Variants in TMEM123 observed in about 807,000 individuals in gnomAD.
The protein encoded by TMEM123 is transmembrane protein 123.
In TMEM123, 16 loss-of-function variants were observed where a neutral mutation model predicts 19.7. The ratio of observed to expected loss-of-function variants is 0.81; its 90% CI spans 0.55 to 1.23. The LOEUF is 1.23. Ranked by LOEUF, TMEM123 falls within the 50% of genes most tolerant of loss-of-function variation. The probability of loss-of-function intolerance (pLI) is 0.00; values close to 1 mark genes in which losing one functional copy is unlikely to be tolerated. For missense variants in TMEM123, 313 were observed against 257.8 expected (o/e 1.21, Z -1.47); for synonymous variants, 118 against 99.4 (o/e 1.19, Z -1.12).
chr11:102,404,281 T>C (rs1192897072), intron 2 of TMEM123, among the ~76,000 whole-genome samples: 1 of 152,110 alleles, frequency 6.6e-6, no homozygotes, highest in African/African-American at 2.4e-5. Context: ...CAGATTGATA[T>C]TTATTTATTT....
intron 2 of TMEM123, among the ~76,000 whole-genome samples, chr11:102,442,488 A>G (rs1591567252): frequency 6.6e-6 from 1 of 152,212 alleles, no homozygotes; most frequent in South Asian, 2.1e-4. Flanking sequence ...CTTCAACAAA[A>G]TTCAACAACC....
At position 102,396,843 on chromosome 11, in the gene TMEM123, A is replaced by C. The variant is rs1477358325; in HGVS notation, c.*2024T>G. On this transcript the variant is annotated 3_prime_UTR_variant, in exon 5 of 5. Transcript: ENST00000398136. Reference sequence around the variant, plus strand: ...CAAGGCAAATGATGACTTAGTACTTAAAAAGTGGTTTTTCTATCTTCAAAG... The same window carrying C: ...CAAGGCAAATGATGACTTAGTACTTCAAAAGTGGTTTTTCTATCTTCAAAG... 6.6e-6 allele frequency: 1 copy of C among 152,226 alleles called. No individual in the cohort carries two copies. The highest frequency in any genetic ancestry group is 1.5e-5 in the Non-Finnish European group (1 of 68,020). 9.4% of individuals were successfully genotyped at this position (152,226 alleles called of 1,614,324 possible). A position where few individuals can be genotyped will look rare whatever the true frequency, so the allele number is the denominator to read the frequency against.
Position 102,401,584 on chromosome 11 carries a change from C to G in TMEM123, c.557G>C (p.Gly186Ala). 1 of 1,599,074 alleles carries G rather than the reference C, an allele frequency of 6.3e-7. No individual in the cohort carries two copies. The highest frequency in any genetic ancestry group is 8.5e-7 in the Non-Finnish European group (1 of 1,176,208). The change falls in exon 4 of 5, where the codon GGA becomes GCA. Residue 186 changes from glycine to alanine, a missense_variant. Physicochemically the swap from Gly to Ala is moderately conservative, Grantham distance 60. Coordinates refer to ENST00000398136, the MANE Select transcript of TMEM123 (RefSeq NM_052932.3). ...TCTTCTTGAGTAATACATTTTGCAT[C>G]CAATGTAAAGAATAGATAAAACTCC... ...TLGVLSILYI[G>A]CKMYYSRRGI...
At chr11:102,406,107 A>G (rs1259702947) in intron 2 of TMEM123, among the ~76,000 whole-genome samples, 1 of 152,164 alleles carries the variant, frequency 6.6e-6, no homozygotes, top group Non-Finnish European at 1.5e-5. Context: ...AACACCTGCA[A>G]AGAGATGCAG....
chr11:102,403,436 C>A (rs1467977405), intron 2 of TMEM123, among the ~76,000 whole-genome samples: 1 of 152,232 alleles, frequency 6.6e-6, no homozygotes, highest in Non-Finnish European at 1.5e-5. Context: ...CATACTGCAT[C>A]TTCTTTTTAA....
intron 2 of TMEM123, among the ~76,000 whole-genome samples, chr11:102,438,484 G>A (rs139591739): frequency 7.0e-4 from 107 of 152,328 alleles, no homozygotes; most frequent in African/African-American, 2.5e-3. Context: ...CATGCCTTGT[G>A]CCTAAAACAG....
chr11:102,406,683 A>C (rs1406088918), intron 2 of TMEM123, among the ~76,000 whole-genome samples: 1 of 152,000 alleles, frequency 6.6e-6, no homozygotes, highest in Non-Finnish European at 1.5e-5. Context: ...ATCACTGGCT[A>C]ACACAGTGAA....
intron 2 of TMEM123, among the ~76,000 whole-genome samples, chr11:102,411,398 T>G (rs368131257): frequency 6.5e-4 from 99 of 152,308 alleles, no homozygotes; most frequent in African/African-American, 2.4e-3. Context: ...CTGAGTTATA[T>G]CCTCTATAAT....
chr11:102,439,097 A>T (rs1359050952), intron 2 of TMEM123, among the ~76,000 whole-genome samples: 1 of 152,194 alleles, frequency 6.6e-6, no homozygotes, highest in Non-Finnish European at 1.5e-5. Flanking sequence ...GGGAAGCTCG[A>T]ACTGGGTGGA....
rs1415256924 is a variant in TMEM123 at position 102,396,387 on chromosome 11, C to T, written c.*2480G>A. On this transcript the variant is annotated 3_prime_UTR_variant, in exon 5 of 5. Coordinates refer to ENST00000398136, the MANE Select transcript of TMEM123 (RefSeq NM_052932.3). ...ATAGAACTTGGTAACAATGAAATAC[C>T]AAAAGCTGGTCATTATAATAAAAAG... 1 of 151,898 alleles carries T rather than the reference C, an allele frequency of 6.6e-6. No homozygotes were observed. Among genetic ancestry groups the T allele is most frequent in the Non-Finnish European group, 1.5e-5 (1 of 67,974 alleles). 9.4% of individuals were successfully genotyped at this position (151,898 alleles called of 1,614,324 possible). A position where few individuals can be genotyped will look rare whatever the true frequency, so the allele number is the denominator to read the frequency against.
intron 1 of TMEM123, 37 bp downstream of exon 1, chr11:102,452,486 TC>T: frequency 7.0e-7 from 1 of 1,418,614 alleles, no homozygotes; most frequent in Non-Finnish European, 9.3e-7. Flanking sequence ...GCGCGCTGCC[TC>T]CCACGAACGG....
intron 2 of TMEM123, among the ~76,000 whole-genome samples, chr11:102,411,099 GC>G (rs1457975055): frequency 6.6e-6 from 1 of 152,002 alleles, no homozygotes; most frequent in African/African-American, 2.4e-5. Flanking sequence ...TGAGTTTTTG[GC>G]TAATCAACTG....
At chr11:102,432,236 G>C (rs1474790071) in intron 2 of TMEM123, among the ~76,000 whole-genome samples, 2 of 152,246 alleles carry the variant, frequency 1.3e-5, no homozygotes, top group South Asian at 2.1e-4. Context: ...TAGAGACTTG[G>C]AGGGCTCAGA....
intron 2 of TMEM123, among the ~76,000 whole-genome samples, chr11:102,442,858 C>G (rs983093813): frequency 6.6e-6 from 1 of 152,216 alleles, no homozygotes; most frequent in Non-Finnish European, 1.5e-5. Flanking sequence ...TCTCAGGATA[C>G]AAAATCAATG....
chr11:102,409,833 C>T (rs1222490450), intron 2 of TMEM123, among the ~76,000 whole-genome samples: 1 of 151,764 alleles, frequency 6.6e-6, no homozygotes, highest in Non-Finnish European at 1.5e-5. Context: ...CTACTGCTCC[C>T]CAGCCTGGGT....
intron 2 of TMEM123, among the ~76,000 whole-genome samples, chr11:102,412,677 ACATCT>A (rs1180179151): frequency 6.6e-6 from 1 of 152,218 alleles, no homozygotes; most frequent in African/African-American, 2.4e-5. Flanking sequence ...AAAAGAAAAG[ACATCT>A]CATAAATGGA....
At chr11:102,405,973 T>G (rs1296211232) in intron 2 of TMEM123, among the ~76,000 whole-genome samples, 1 of 152,248 alleles carries the variant, frequency 6.6e-6, no homozygotes, top group African/African-American at 2.4e-5. Flanking sequence ...TGACCCAATC[T>G]TCTTCTGTAA....
intron 2 of TMEM123, among the ~76,000 whole-genome samples, chr11:102,444,976 A>G (rs1350088500): frequency 1.3e-5 from 2 of 149,754 alleles, no homozygotes; most frequent in African/African-American, 4.9e-5. Context: ...CAAAGAGAAC[A>G]CTTGGACACA....
intron 2 of TMEM123, among the ~76,000 whole-genome samples, chr11:102,434,667 TTGTG>T (rs1857744850): frequency 6.6e-6 from 1 of 151,904 alleles, no homozygotes; most frequent in Non-Finnish European, 1.5e-5. Context: ...CAGACCAATG[TTGTG>T]TAGTTTTTCC....
Sources: allele counts gnomAD v4.1 joint callset (sites outside exome capture counted in the v4.1 genomes callset), GRCh38; gene constraint gnomAD v4.1.1; transcripts MANE v1.5; gene names NCBI Gene and HGNC (gene_info 2026-07-23, HGNC 2026-07-21).